TAAR5: variants seen among roughly 807,000 people sequenced by gnomAD.
TAAR5 encodes trace amine associated receptor 5.
A neutral mutation model predicts 21.1 loss-of-function variants in TAAR5; 27 were observed. That is an observed-to-expected ratio of 1.28 (90% confidence interval 0.94 to 1.76). The LOEUF (loss-of-function observed/expected upper bound fraction) is 1.76, where lower values mean the gene tolerates loss of function less well. Among genes scored for constraint, TAAR5 ranks in the 40% most tolerant of loss-of-function variants. The pLI, the probability that TAAR5 is intolerant of heterozygous loss-of-function variation, is 0.00. For missense variants in TAAR5, 495 were observed against 405.6 expected, an observed-to-expected ratio of 1.22 and a Z score of -1.89; for synonymous variants, 203 against 167.5, an observed-to-expected ratio of 1.21 and a Z score of -1.64.
chr6:132,597,552 AAGAT>A, the TAAR5 span, among the ~76,000 whole-genome samples: 28 of 152,348 alleles, frequency 1.8e-4, no homozygotes, highest in Middle Eastern at 6.8e-3. Flanking sequence ...GCCTTCAGAA[AAGAT>A]AGATACAGCA....
At chr6:132,599,323 CTTTTTTTTT>C in the TAAR5 span, among the ~76,000 whole-genome samples, 92 of 98,458 alleles carry the variant, frequency 9.3e-4, no homozygotes, top group Middle Eastern at 0.013. Flanking sequence ...CTTTTCTTTT[CTTTTTTTTT>C]TTTTTTTTTT....
At chr6:132,616,219 A>C in the TAAR5 span, among the ~76,000 whole-genome samples, 4 of 152,170 alleles carry the variant, frequency 2.6e-5, no homozygotes, top group Non-Finnish European at 5.9e-5. Flanking sequence ...GCTTAAACCA[A>C]CACATCACTG....
upstream of TAAR5, among the ~76,000 whole-genome samples, chr6:132,590,307 A>G (rs1364934765): frequency 6.6e-6 from 1 of 152,256 alleles, no homozygotes; most frequent in Non-Finnish European, 1.5e-5. Context: ...TAATTAAAAG[A>G]GTAGAAAATT....
At chr6:132,609,205 G>A in the TAAR5 span, 2 of 352,570 alleles carry the variant, frequency 5.7e-6, no homozygotes, top group Non-Finnish European at 1.1e-5. Context: ...AAGAGCGGTT[G>A]GTGGGAGGAC....
upstream of TAAR5, among the ~76,000 whole-genome samples, chr6:132,593,382 T>G (rs1355436739): frequency 6.6e-6 from 1 of 152,182 alleles, no homozygotes; most frequent in Non-Finnish European, 1.5e-5. Flanking sequence ...GAGCAACACT[T>G]GGCACATAGT....
the TAAR5 span, among the ~76,000 whole-genome samples, chr6:132,612,181 T>A: frequency 2.2e-4 from 33 of 152,302 alleles, no homozygotes; most frequent in African/African-American, 7.5e-4. Context: ...TGTTAAAAAA[T>A]ATATTAACTC....
rs1776876653 is a variant in TAAR5 at position 132,589,697 on chromosome 6, T to C, written c.-11A>G. ...GAAGACAGCTCTCATTTATGATTTCTACTCTTCCTCTGTCTGAGAACTGGC... is the reference window on the plus strand; with the variant it reads ...GAAGACAGCTCTCATTTATGATTTCCACTCTTCCTCTGTCTGAGAACTGGC... On this transcript the variant is annotated 5_prime_UTR_variant, in exon 1 of 1. Transcript: ENST00000258034. The C allele has an allele frequency of 2.7e-6, 4 of 1,487,800 alleles. No homozygotes were observed. Among genetic ancestry groups the C allele is most frequent in the South Asian group, 1.3e-5 (1 of 75,242 alleles). 92.2% of individuals were successfully genotyped at this position (1,487,800 alleles called of 1,614,324 possible).
the TAAR5 span, among the ~76,000 whole-genome samples, chr6:132,605,409 A>G: frequency 6.6e-6 from 1 of 152,204 alleles, no homozygotes; most frequent in Non-Finnish European, 1.5e-5. Flanking sequence ...CCTTACAGCT[A>G]TCGGTTTCAT....
chr6:132,594,317 G>A (rs1162459871), upstream of TAAR5: 2 of 152,028 alleles, frequency 1.3e-5, no homozygotes, highest in Admixed American at 1.3e-4. Flanking sequence ...GTCAATTCAT[G>A]CCCCTACTTG....
chr6:132,600,313 G>T, the TAAR5 span, among the ~76,000 whole-genome samples: 1 of 152,152 alleles, frequency 6.6e-6, no homozygotes, highest in African/African-American at 2.4e-5. Flanking sequence ...TTCTTTGAGG[G>T]AGAAGATCTG....
the TAAR5 span, among the ~76,000 whole-genome samples, chr6:132,606,021 G>A: frequency 2.7e-5 from 4 of 150,588 alleles, no homozygotes; most frequent in East Asian, 3.9e-4. Flanking sequence ...ACCAAATACC[G>A]CCTATTCTCA....
At chr6:132,605,594 G>T in the TAAR5 span, among the ~76,000 whole-genome samples, 1 of 151,974 alleles carries the variant, frequency 6.6e-6, no homozygotes, top group Non-Finnish European at 1.5e-5. Context: ...CCAGAGTAAT[G>T]CATGGGCACA....
rs770988249 is a variant in TAAR5 at position 132,589,677 on chromosome 6, C to T, written c.10G>A (p.Val4Ile). Residue 4 changes from valine to isoleucine, a missense_variant, in exon 1 of 1, where the codon GTC (valine) becomes ATC (isoleucine). Val to Ile is a conservative substitution (Grantham distance 29, BLOSUM62 3). Transcript: ENST00000258034. Reference protein sequence around the residue: MRAVFIQGAEEHPA... With the variant: MRAIFIQGAEEHPA... ...TGCTCTTCAGCACCTTGGATGAAGA[C>T]AGCTCTCATTTATGATTTCTACTCT... The T allele has an allele frequency of 7.1e-7, 1 of 1,407,328 alleles. No individual in the cohort carries two copies. The highest frequency in any genetic ancestry group is 9.5e-7 in the Non-Finnish European group (1 of 1,057,456). 87.2% of individuals were successfully genotyped at this position (1,407,328 alleles called of 1,614,324 possible). A position where few individuals can be genotyped will look rare whatever the true frequency, so the allele number is the denominator to read the frequency against.
chr6:132,615,295 C>T, the TAAR5 span, among the ~76,000 whole-genome samples: 1 of 152,008 alleles, frequency 6.6e-6, no homozygotes, highest in Non-Finnish European at 1.5e-5. Flanking sequence ...TAAATGCTGG[C>T]TAATATCCAA....
chr6:132,592,244 T>C (rs866276710), upstream of TAAR5, among the ~76,000 whole-genome samples: 7 of 152,250 alleles, frequency 4.6e-5, no homozygotes, highest in Non-Finnish European at 8.8e-5. Flanking sequence ...CTTTACTTAC[T>C]AGAAACCAAA....
At chr6:132,600,704 C>G in the TAAR5 span, among the ~76,000 whole-genome samples, 1 of 139,930 alleles carries the variant, frequency 7.1e-6, no homozygotes. Flanking sequence ...AAGAAAAAAA[C>G]TAATATACAA....
At chr6:132,589,761 A>G, upstream of TAAR5, 1 of 1,020,694 alleles carries the variant, frequency 9.8e-7, no homozygotes. Context: ...AAAAAAAAAA[A>G]AAAAAAAAAA....
At chr6:132,607,178 G>A in the TAAR5 span, among the ~76,000 whole-genome samples, 1 of 152,138 alleles carries the variant, frequency 6.6e-6, no homozygotes, top group Non-Finnish European at 1.5e-5. Flanking sequence ...CCGGGTGACA[G>A]AGTGAGACCC....
At chr6:132,615,782 C>G in the TAAR5 span, among the ~76,000 whole-genome samples, 4 of 151,998 alleles carry the variant, frequency 2.6e-5, no homozygotes, top group South Asian at 8.3e-4. Flanking sequence ...TATAACTACT[C>G]TCTTCTTGAA....
Sources: gnomAD v4.1 joint callset for allele counts (sites outside exome capture counted in the v4.1 genomes callset) on GRCh38, gnomAD v4.1.1 for gene constraint, MANE v1.5 for transcripts, NCBI Gene and HGNC (gene_info 2026-07-23, HGNC 2026-07-21) for gene names.